Variants in SYN3 observed in about 807,000 individuals in gnomAD.
The protein encoded by SYN3 is synapsin-3.
Under a neutral mutation model 65.8 loss-of-function variants are expected in SYN3, and 35 were observed. The observed-to-expected ratio is 0.53, with a 90% CI of 0.41 to 0.70. The LOEUF is 0.70. SYN3 is among the 30% of genes least tolerant of loss of function. The pLI is 0.00. For synonymous variants in SYN3, 270 were observed against 292.9 expected, an observed-to-expected ratio of 0.92 and a Z score of 0.80; for missense variants, 680 against 749.0, an observed-to-expected ratio of 0.91 and a Z score of 1.08.
intron 7 of SYN3, among the ~76,000 whole-genome samples, chr22:32,562,914 AG>A (rs1388357192): frequency 6.6e-6 from 1 of 152,378 alleles, no homozygotes; most frequent in Middle Eastern, 3.4e-3. Context: ...AAGAAGAGCC[AG>A]GGGGCCTGAA....
At position 32,695,663 on chromosome 22, in the gene SYN3, C is replaced by T. The variant is rs1364619823; in HGVS notation, c.712-98927G>A. 2.6e-5 allele frequency among the ~76,000 whole-genome samples: 4 copies of T among 152,190 alleles called. No homozygotes were observed. In the East Asian group the frequency reaches 5.8e-4, roughly 22 times the overall value. On this transcript the variant is annotated intron_variant, in intron 6 of 13. Transcript: ENST00000358763. ...AAGCTGCAAGGCTGACTGCTGCTCC[C>T]TTTCTCTTCCACCTCACCTCTAAGA...
chr22:33,016,834 T>C (rs1164601588), intron 1 of SYN3, among the ~76,000 whole-genome samples: 2 of 152,182 alleles, frequency 1.3e-5, no homozygotes, highest in Non-Finnish European at 2.9e-5. Context: ...TTTGCAAATA[T>C]TTTCTCCCAA....
intron 2 of SYN3, among the ~76,000 whole-genome samples, chr22:33,003,300 G>C (rs1443157009): frequency 6.6e-6 from 1 of 152,214 alleles, no homozygotes; most frequent in Non-Finnish European, 1.5e-5. Flanking sequence ...GAACAGTTTG[G>C]AGGGCTCAGA....
intron 3 of SYN3, among the ~76,000 whole-genome samples, chr22:32,940,928 T>C (rs199538130): frequency 6.6e-6 from 1 of 152,172 alleles, no homozygotes; most frequent in African/African-American, 2.4e-5. Flanking sequence ...AAAATACACA[T>C]GGACACTGGT....
intron 2 of SYN3, among the ~76,000 whole-genome samples, chr22:32,997,963 C>A (rs555685901): frequency 1.3e-4 from 19 of 149,082 alleles, no homozygotes; most frequent in Admixed American, 1.1e-3. Context: ...GGAGACGGAG[C>A]TTGCAGTGAG....
At position 32,941,251 on chromosome 22, in the gene SYN3, G is replaced by A. The variant is rs146486866; in HGVS notation, c.370-9770C>T. 3.9e-5 allele frequency among the ~76,000 whole-genome samples: 6 copies of A among 152,178 alleles called. No homozygotes were observed. The East Asian group carries it at 5.8e-4, about 15-fold the overall frequency. On this transcript the variant is annotated intron_variant, in intron 3 of 13. Transcript: ENST00000358763. ...TAGATCATCACCTATACTGAGGACC[G>A]GCACTTATGGCAACTCACTATTGAC...
At chr22:32,603,507 G>A (rs1326124437) in intron 6 of SYN3, among the ~76,000 whole-genome samples, 2 of 146,068 alleles carry the variant, frequency 1.4e-5, no homozygotes, top group Non-Finnish European at 3.0e-5. Context: ...GCGACAGAGC[G>A]AGACTCCGAG....
chr22:32,981,825 A>G (rs1298635141), intron 2 of SYN3, among the ~76,000 whole-genome samples: 6 of 152,066 alleles, frequency 3.9e-5, no homozygotes, highest in Admixed American at 3.9e-4. Flanking sequence ...TTTTATCCAT[A>G]TTTTTCTTAA....
intron 6 of SYN3, among the ~76,000 whole-genome samples, chr22:32,831,142 C>T (rs2047562901): frequency 6.6e-6 from 1 of 152,150 alleles, no homozygotes; most frequent in African/African-American, 2.4e-5. Context: ...GGCAGCGTGA[C>T]CCTTATGCCT....
intron 13 of SYN3, among the ~76,000 whole-genome samples, chr22:32,514,872 C>T (rs1191966666): frequency 3.3e-5 from 5 of 152,090 alleles, no homozygotes; most frequent in East Asian, 1.9e-4. Context: ...AAAAATTAGC[C>T]GGGTGAGGTG....
chr22:32,798,956 G>A (rs1299232088), intron 6 of SYN3, among the ~76,000 whole-genome samples: 1 of 152,004 alleles, frequency 6.6e-6, no homozygotes, highest in Non-Finnish European at 1.5e-5. Flanking sequence ...CTCTCAAAGT[G>A]CTGGGATTAC....
intron 1 of SYN3, among the ~76,000 whole-genome samples, chr22:33,007,822 T>G: frequency 6.6e-6 from 1 of 152,218 alleles, no homozygotes; most frequent in East Asian, 1.9e-4. Context: ...CTAAACAGAG[T>G]AACATAAGTT....
At chr22:32,677,895 C>T (rs2060469003) in intron 6 of SYN3, among the ~76,000 whole-genome samples, 1 of 151,978 alleles carries the variant, frequency 6.6e-6, no homozygotes, top group African/African-American at 2.4e-5. Context: ...CACAGATAGG[C>T]ATGTATGTTG....
chr22:32,570,574 C>T (rs1004036039), intron 7 of SYN3, among the ~76,000 whole-genome samples: 1 of 140,780 alleles, frequency 7.1e-6, no homozygotes, highest in African/African-American at 2.6e-5. Context: ...GGAGGAGTCT[C>T]AGGAGGGAGG....
At chr22:32,669,575 TAAAAG>T (rs1302436834) in intron 6 of SYN3, among the ~76,000 whole-genome samples, 1 of 151,902 alleles carries the variant, frequency 6.6e-6, no homozygotes, top group East Asian at 1.9e-4. Flanking sequence ...GCAGAATCTG[TAAAAG>T]AAGAGAGCGT....
chr22:32,881,064 GTC>G, intron 4 of SYN3, among the ~76,000 whole-genome samples: 1 of 152,198 alleles, frequency 6.6e-6, no homozygotes, highest in South Asian at 2.1e-4. Flanking sequence ...CTCCAGCGCT[GTC>G]AGCAGCCTGC....
At chr22:32,824,878 A>T (rs1292338116) in intron 6 of SYN3, among the ~76,000 whole-genome samples, 2 of 152,222 alleles carry the variant, frequency 1.3e-5, no homozygotes. Context: ...CATGACAACC[A>T]GAGTACTTTT....
chr22:32,705,937 T>C (rs1166687325), intron 6 of SYN3, among the ~76,000 whole-genome samples: 1 of 152,232 alleles, frequency 6.6e-6, no homozygotes, highest in Non-Finnish European at 1.5e-5. Context: ...TGAAGTTGTT[T>C]ATCAGCTTAA....
At chr22:32,736,458 C>T (rs1237526616) in intron 6 of SYN3, among the ~76,000 whole-genome samples, 3 of 152,132 alleles carry the variant, frequency 2.0e-5, no homozygotes, top group Non-Finnish European at 4.4e-5. Flanking sequence ...AGTACTTACC[C>T]CATTATTTTG....
Sources: allele counts gnomAD v4.1 joint callset (sites outside exome capture counted in the v4.1 genomes callset), GRCh38; gene constraint gnomAD v4.1.1; transcripts MANE v1.5; gene names NCBI Gene and HGNC (gene_info 2026-07-23, HGNC 2026-07-21).